CREBL2: variants seen among roughly 807,000 people sequenced by gnomAD.
CREBL2 encodes cAMP responsive element binding protein like 2, also known as cAMP-responsive element-binding protein-like 2.
A neutral mutation model predicts 19.5 loss-of-function variants in CREBL2; 4 were observed. The observed-to-expected ratio is 0.20, with a 90% CI of 0.10 to 0.47. The LOEUF (loss-of-function observed/expected upper bound fraction) is 0.47. Among genes scored for constraint, CREBL2 ranks in the 20% least tolerant of loss-of-function variants. The probability of loss-of-function intolerance (pLI) is 0.98; values close to 1 mark genes in which losing one functional copy is unlikely to be tolerated. For missense variants in CREBL2, 85 were observed against 145.1 expected, an observed-to-expected ratio of 0.59 and a Z score of 2.13; for synonymous variants, 42 against 46.6, an observed-to-expected ratio of 0.90 and a Z score of 0.40.
chr12:12,633,757 C>T (rs1945456366), intron 1 of CREBL2, among the ~76,000 whole-genome samples: 1 of 152,144 alleles, frequency 6.6e-6, no homozygotes, highest in Non-Finnish European at 1.5e-5. Context: ...TTTTAGGGTA[C>T]TTAGCATTGT....
chr12:12,612,585 G>A (rs1037711465), intron 1 of CREBL2, among the ~76,000 whole-genome samples: 2 of 152,016 alleles, frequency 1.3e-5, no homozygotes, highest in Admixed American at 6.6e-5. Context: ...CCTTCTCTCA[G>A]GCTCCCTTAC....
rs1322949779 is a variant in CREBL2 at position 12,643,723 on chromosome 12, C to G, written c.*1725C>G. The G allele has an allele frequency of 6.6e-6, 1 of 152,094 alleles. No homozygotes were observed. The highest frequency in any genetic ancestry group is 2.4e-5 in the African/African-American group (1 of 41,402). 9.4% of individuals were successfully genotyped at this position (152,094 alleles called of 1,614,324 possible). On this transcript the variant is annotated 3_prime_UTR_variant, in exon 4 of 4. Transcript: ENST00000228865. Reference sequence around the variant, plus strand: ...TGACTGTGTACTGAGATACCACTAGCCCAGTTTGCTGGGTCTCTATGTTTT... The same window carrying G: ...TGACTGTGTACTGAGATACCACTAGGCCAGTTTGCTGGGTCTCTATGTTTT...
rs978781319 is a variant in CREBL2, at chr12:12,642,886, A to G, written c.*888A>G. 4 of 152,646 alleles carry G rather than the reference A, an allele frequency of 2.6e-5. No individual in the cohort carries two copies. The highest frequency in any genetic ancestry group is 4.4e-5 in the Non-Finnish European group (3 of 68,044). 9.5% of individuals were successfully genotyped at this position (152,646 alleles called of 1,614,324 possible). On this transcript the variant is annotated 3_prime_UTR_variant, in exon 4 of 4. Coordinates refer to ENST00000228865, the MANE Select transcript of CREBL2 (RefSeq NM_001310.4). ...ATGTATGTGGGGAGGACAGGAGTGA[A>G]TGTTCACACACTTTTCTTGCGTACT...
Position 12,636,275 on chromosome 12 carries a change from G to A in CREBL2, c.213+301G>A, listed in dbSNP as rs189151401. 7.9e-5 allele frequency among the ~76,000 whole-genome samples: 12 copies of A among 152,208 alleles called. No homozygotes were observed. The East Asian group carries it at 1.9e-3, about 25-fold the overall frequency. On this transcript the variant is annotated intron_variant, in intron 2 of 3. Coordinates refer to ENST00000228865, the MANE Select transcript of CREBL2 (RefSeq NM_001310.4). ...CTACATCCATGTATTAGACTACTTC[G>A]TAGCCAGTAAAAATCACAATGCACA...
At chr12:12,638,468 T>A (rs1207635321) in intron 3 of CREBL2, among the ~76,000 whole-genome samples, 1 of 152,112 alleles carries the variant, frequency 6.6e-6, no homozygotes, top group Non-Finnish European at 1.5e-5. Context: ...TGGCTTAGAT[T>A]CTAAATATTA....
intron 1 of CREBL2, among the ~76,000 whole-genome samples, chr12:12,619,480 A>T (rs545194774): frequency 6.6e-6 from 1 of 152,078 alleles, no homozygotes; most frequent in Non-Finnish European, 1.5e-5. Context: ...GGTGGTATGC[A>T]GCTATAATCC....
At chr12:12,617,621 T>C (rs1327479520) in intron 1 of CREBL2, among the ~76,000 whole-genome samples, 2 of 141,190 alleles carry the variant, frequency 1.4e-5, no homozygotes, top group African/African-American at 5.1e-5. Flanking sequence ...AGTAGGTCCC[T>C]GAGATGCTCA....
At chr12:12,640,196 A>C (rs1429844955) in intron 3 of CREBL2, among the ~76,000 whole-genome samples, 1 of 152,170 alleles carries the variant, frequency 6.6e-6, no homozygotes, top group Non-Finnish European at 1.5e-5. Context: ...AGGGTTCTGC[A>C]GGAGACCAGG....
At chr12:12,631,581 G>A (rs1255113949) in intron 1 of CREBL2, among the ~76,000 whole-genome samples, 2 of 152,184 alleles carry the variant, frequency 1.3e-5, no homozygotes, top group African/African-American at 4.8e-5. Flanking sequence ...GGAACAATGT[G>A]GTTATCATTG....
chr12:12,612,212 CG>C (rs1168636962), intron 1 of CREBL2, 25 bp downstream of exon 1: 2 of 1,613,494 alleles, frequency 1.2e-6, no homozygotes, highest in East Asian at 2.2e-5. Context: ...TTGCACGCGC[CG>C]CCGCCTTCTT....
intron 1 of CREBL2, among the ~76,000 whole-genome samples, chr12:12,614,049 A>G (rs540128018): frequency 2.3e-5 from 3 of 127,868 alleles, no homozygotes; most frequent in African/African-American, 9.2e-5. Flanking sequence ...GCTGGAGTAC[A>G]GTGGCACGAT....
intron 1 of CREBL2, among the ~76,000 whole-genome samples, chr12:12,613,655 G>C (rs564858783): frequency 3.2e-4 from 49 of 152,342 alleles, no homozygotes; most frequent in Non-Finnish European, 6.2e-4. Flanking sequence ...TTAATAGGAA[G>C]TGGTATTTCC....
chr12:12,639,577 C>T (rs1945501866), intron 3 of CREBL2, among the ~76,000 whole-genome samples: 1 of 152,120 alleles, frequency 6.6e-6, no homozygotes, highest in Non-Finnish European at 1.5e-5. Context: ...TGCTTGTTGG[C>T]CATTCGTATG....
intron 1 of CREBL2, among the ~76,000 whole-genome samples, chr12:12,616,573 A>G (rs10743992): frequency 0.88 from 134,479 of 152,234 alleles, 60,302 homozygotes; most frequent in Non-Finnish European, 0.96. Context: ...AGTTGTAGAT[A>G]AGTAATATTT....
chr12:12,617,536 C>G (rs529727878), intron 1 of CREBL2, among the ~76,000 whole-genome samples: 15 of 150,598 alleles, frequency 1.0e-4, no homozygotes, highest in African/African-American at 3.4e-4. Context: ...CAGACTCTAA[C>G]ACATAGTAGG....
At chr12:12,626,475 A>G (rs1470275944) in intron 1 of CREBL2, among the ~76,000 whole-genome samples, 1 of 152,150 alleles carries the variant, frequency 6.6e-6, no homozygotes, top group Non-Finnish European at 1.5e-5. Context: ...AAGCTTCTGT[A>G]TCTGTGCTAC....
chr12:12,641,509 A>G (rs1249881853), intron 3 of CREBL2, among the ~76,000 whole-genome samples: 2 of 151,830 alleles, frequency 1.3e-5, no homozygotes, highest in Non-Finnish European at 2.9e-5. Context: ...GGGTTTCACC[A>G]TGTTGGCCAG....
chr12:12,613,576 C>T (rs930295906), intron 1 of CREBL2, among the ~76,000 whole-genome samples: 1 of 152,160 alleles, frequency 6.6e-6, no homozygotes, highest in Non-Finnish European at 1.5e-5. Flanking sequence ...GAAGGGAAAG[C>T]CCAGTGCAGT....
chr12:12,640,724 C>G (rs1945510439), intron 3 of CREBL2, among the ~76,000 whole-genome samples: 1 of 152,200 alleles, frequency 6.6e-6, no homozygotes, highest in South Asian at 2.1e-4. Flanking sequence ...CAGCCGGTCC[C>G]TCTGTTCAGG....
Sources: allele counts gnomAD v4.1 joint callset (sites outside exome capture counted in the v4.1 genomes callset), GRCh38; gene constraint gnomAD v4.1.1; transcripts MANE v1.5; gene names NCBI Gene and HGNC (gene_info 2026-07-23, HGNC 2026-07-21).